The following THSD4 variants were observed in gnomAD, a reference collection of about 807,000 sequenced individuals.
THSD4 encodes the protein thrombospondin type-1 domain-containing protein 4.
A neutral mutation model predicts 119.0 loss-of-function variants in THSD4; 69 were observed. That is an observed-to-expected ratio of 0.58 (90% confidence interval 0.48 to 0.71). The LOEUF is 0.71. Among genes scored for constraint, THSD4 ranks in the 30% least tolerant of loss-of-function variants. The pLI is 0.00. For synonymous variants in THSD4, 524 were observed against 540.4 expected, an observed-to-expected ratio of 0.97 and a Z score of 0.42; for missense variants, 1,393 against 1,391.1, an observed-to-expected ratio of 1.00 and a Z score of -0.02.
rs1004000741 is a variant in THSD4 at position 71,697,219 on chromosome 15, A to G, written c.1358-31330A>G. Among the ~76,000 whole-genome samples, 5 of 152,368 alleles carry G rather than the reference A, an allele frequency of 3.3e-5. No homozygotes were observed. In the South Asian group the frequency reaches 8.3e-4, roughly 25 times the overall value. On this transcript the variant is annotated intron_variant, in intron 8 of 17. Coordinates refer to ENST00000261862, the MANE Select transcript of THSD4 (RefSeq NM_024817.3). ...GGAATATTAAATCAGAGAGCTTAGA[A>G]AGAAACAAATCAGAAAACGAGGCAG... is the stretch of plus-strand genomic sequence containing the variant.
At chr15:71,113,274 A>G (rs1208218358), upstream of THSD4, among the ~76,000 whole-genome samples, 6 of 152,248 alleles carry the variant, frequency 3.9e-5, no homozygotes, top group Non-Finnish European at 7.3e-5. Context: ...TATGGTCAAA[A>G]CAATTTGACC....
intron 6 of THSD4, among the ~76,000 whole-genome samples, chr15:71,385,560 G>T (rs1452704831): frequency 8.1e-6 from 1 of 122,888 alleles, no homozygotes. Context: ...GAAACAGCTG[G>T]CTCACTTAGA....
At chr15:71,431,407 A>T (rs2046941595) in intron 7 of THSD4, among the ~76,000 whole-genome samples, 1 of 152,174 alleles carries the variant, frequency 6.6e-6, no homozygotes, top group Non-Finnish European at 1.5e-5. Context: ...TTTTTCATGA[A>T]CCTTCTTGAA....
intron 7 of THSD4, among the ~76,000 whole-genome samples, chr15:71,426,869 A>C (rs1337431477): frequency 1.3e-5 from 2 of 152,228 alleles, no homozygotes; most frequent in Non-Finnish European, 2.9e-5. Context: ...TAACAGATTA[A>C]AATTATTCAG....
intron 8 of THSD4, among the ~76,000 whole-genome samples, chr15:71,719,919 G>T (rs1419643057): frequency 6.6e-6 from 1 of 151,822 alleles, no homozygotes; most frequent in Non-Finnish European, 1.5e-5. Context: ...CAAACGATCT[G>T]CCTGCCTCGG....
intron 7 of THSD4, among the ~76,000 whole-genome samples, chr15:71,658,088 T>C (rs2051225977): frequency 6.6e-6 from 1 of 152,140 alleles, no homozygotes; most frequent in African/African-American, 2.4e-5. Context: ...CGGTTCATTG[T>C]CTCCACTCTA....
intron 6 of THSD4, among the ~76,000 whole-genome samples, chr15:71,346,398 A>G (rs2140398264): frequency 6.6e-6 from 1 of 152,232 alleles, no homozygotes; most frequent in South Asian, 2.1e-4. Context: ...GGACACATGG[A>G]TTTCCCTTCT....
At chr15:71,385,176 A>G (rs2046279994) in intron 6 of THSD4, among the ~76,000 whole-genome samples, 1 of 151,660 alleles carries the variant, frequency 6.6e-6, no homozygotes, top group African/African-American at 2.4e-5. Context: ...AATTCAGTTA[A>G]AAAAAAATTG....
At chr15:71,678,290 A>G (rs764357504) in intron 8 of THSD4, among the ~76,000 whole-genome samples, 6 of 152,250 alleles carry the variant, frequency 3.9e-5, no homozygotes, top group Non-Finnish European at 8.8e-5. Context: ...TAATAAATAT[A>G]GTTGACTTAA....
intron 3 of THSD4, among the ~76,000 whole-genome samples, chr15:71,160,590 A>T (rs1350800466): frequency 2.0e-5 from 3 of 151,792 alleles, no homozygotes; most frequent in Non-Finnish European, 4.4e-5. Context: ...CTGTGTTTTT[A>T]AATTTATTGG....
intron 3 of THSD4, among the ~76,000 whole-genome samples, chr15:71,212,907 C>T (rs2043899418): frequency 6.6e-6 from 1 of 152,166 alleles, no homozygotes; most frequent in African/African-American, 2.4e-5. Context: ...CAGAGCCGGG[C>T]CATTTACACA....
intron 7 of THSD4, among the ~76,000 whole-genome samples, chr15:71,448,521 A>G (rs949694205): frequency 6.6e-6 from 1 of 152,230 alleles, no homozygotes; most frequent in African/African-American, 2.4e-5. Flanking sequence ...AATGCCTAGT[A>G]TGGAGTCATG....
chr15:71,764,982 A>T, intron 15 of THSD4, 38 bp from the exon 16 acceptor site: 1 of 1,585,974 alleles, frequency 6.3e-7, no homozygotes, highest in Non-Finnish European at 8.6e-7. Flanking sequence ...CCCCCTTTCC[A>T]TCATGTGACA....
Position 71,323,269 on chromosome 15 carries a change from G to T in THSD4, c.1015+66554G>T, listed in dbSNP as rs549963011. Among the ~76,000 whole-genome samples the T allele has an allele frequency of 1.0e-3, 154 of 152,226 alleles. 1 individual carries two copies. The highest frequency in any genetic ancestry group is 3.4e-3 in the African/African-American group (142 of 41,526). Reference sequence around the variant, plus strand: ...TACTAGAAGGCGCCAATCGCAGGGGGCCATTTCAGAAGCTGACTACCACAA... The same window carrying T: ...TACTAGAAGGCGCCAATCGCAGGGGTCCATTTCAGAAGCTGACTACCACAA... On this transcript the variant is annotated intron_variant, in intron 6 of 17. Coordinates refer to ENST00000261862, the MANE Select transcript of THSD4 (RefSeq NM_024817.3).
Position 71,287,998 on chromosome 15 carries a change from G to A in THSD4, c.1015+31283G>A, listed in dbSNP as rs1005083797. On this transcript the variant is annotated intron_variant, in intron 6 of 17. Coordinates refer to ENST00000261862, the MANE Select transcript of THSD4 (RefSeq NM_024817.3). ...ATTTGAGTAACTTTATACACGACGC[G>A]CAACATGCCCTGTAAATATAGATAG... Among the ~76,000 whole-genome samples the A allele has an allele frequency of 2.0e-5, 3 of 152,156 alleles. No individual in the cohort carries two copies. The South Asian group carries it at 6.2e-4, about 32-fold the overall frequency.
intron 4 of THSD4, among the ~76,000 whole-genome samples, chr15:71,239,172 A>G (rs1378999262): frequency 6.6e-6 from 1 of 152,216 alleles, no homozygotes; most frequent in Non-Finnish European, 1.5e-5. Flanking sequence ...CTTTGTAACT[A>G]TCTATAACAA....
At chr15:71,527,274 T>A (rs539740385) in intron 7 of THSD4, among the ~76,000 whole-genome samples, 4 of 152,248 alleles carry the variant, frequency 2.6e-5, no homozygotes, top group African/African-American at 7.2e-5. Context: ...TATTTATAGA[T>A]TACTCGTTCT....
rs367947985 is a variant in THSD4 at position 71,411,767 on chromosome 15, G to A, written c.1096G>A (p.Asp366Asn). 1.1e-5 allele frequency: 18 copies of A among 1,614,002 alleles called. No individual in the cohort carries two copies. The highest frequency in any genetic ancestry group is 1.5e-5 in the Non-Finnish European group (18 of 1,180,012). ...FYVRQAEKVI[D>N]GTPCDQNGTA... ...TGTACGGCAAGCTGAGAAAGTCATCGATGGCACCCCCTGTGACCAGAACGG... is the reference window on the plus strand; with the variant it reads ...TGTACGGCAAGCTGAGAAAGTCATCAATGGCACCCCCTGTGACCAGAACGG... Residue 366 changes from aspartate to asparagine, a missense_variant, in exon 7 of 18, where the codon GAT becomes AAT. Asp to Asn is a conservative substitution (Grantham distance 23). Coordinates refer to ENST00000261862, the MANE Select transcript of THSD4 (RefSeq NM_024817.3).
chr15:71,215,289 C>T lies in THSD4; in HGVS notation c.354C>T (p.Arg118=). Residue 118 remains arginine (R), a synonymous_variant, in exon 4 of 18, where the codon CGC becomes CGT. Coordinates refer to ENST00000261862, the MANE Select transcript of THSD4 (RefSeq NM_024817.3). ...CGTCGGTGCCACTGCACCGGAGCCG[C>T]GACGAGACGCCAGCGCTGGCCGGTA... ...VRTSVPLHRS[R]DETPALAGTD... is the part of the protein sequence containing the mutation. The T allele has an allele frequency of 2.6e-6, 4 of 1,522,314 alleles. No homozygotes were observed. Among genetic ancestry groups the T allele is most frequent in the Non-Finnish European group, 2.6e-6 (3 of 1,140,944 alleles). The allele number at this position is 1,522,314 out of a possible 1,614,324, so 94.3% of individuals were successfully genotyped here. A position where few individuals can be genotyped will look rare whatever the true frequency, so the allele number is the denominator to read the frequency against.
Sources: allele counts gnomAD v4.1 joint callset (sites outside exome capture counted in the v4.1 genomes callset), GRCh38; gene constraint gnomAD v4.1.1; transcripts MANE v1.5; gene names NCBI Gene and HGNC (gene_info 2026-07-23, HGNC 2026-07-21).